The following NUP214 variants were observed in gnomAD, a reference collection of about 807,000 sequenced individuals.
NUP214 encodes nuclear pore complex protein Nup214.
NUP214 carries 79 observed loss-of-function variants against 196.2 expected under a neutral mutation model. The observed-to-expected ratio is 0.40, with a 90% CI of 0.34 to 0.49. NUP214 has a LOEUF of 0.49. NUP214 is among the 20% of genes least tolerant of loss of function. The pLI, the probability that NUP214 is intolerant of heterozygous loss-of-function variation, is 0.58. For missense variants in NUP214, 2,468 were observed against 2,539.0 expected, an observed-to-expected ratio of 0.97 and a Z score of 0.60; for synonymous variants, 1,020 against 990.5, an observed-to-expected ratio of 1.03 and a Z score of -0.56.
chr9:131,190,368 A>G (rs940053130), intron 26 of NUP214: 3 of 653,296 alleles, frequency 4.6e-6, no homozygotes, highest in East Asian at 2.8e-5. Flanking sequence ...TGCTTTATGC[A>G]TGTCTGGGCA....
chr9:131,200,245 A>G (rs1833903053), intron 29 of NUP214, among the ~76,000 whole-genome samples: 1 of 152,248 alleles, frequency 6.6e-6, no homozygotes, highest in Non-Finnish European at 1.5e-5. Context: ...TGAGGAATTG[A>G]GTCTTGTCTA....
At chr9:131,185,326 C>T (rs1310957066) in intron 24 of NUP214, among the ~76,000 whole-genome samples, 1 of 152,202 alleles carries the variant, frequency 6.6e-6, no homozygotes, top group Non-Finnish European at 1.5e-5. Context: ...CTCCAAGAAC[C>T]CGAGTTTCCA....
rs1832557395 is a variant in NUP214 at position 131,159,416 on chromosome 9, G to T, written c.2470G>T (p.Ala824Ser). 2 of 1,613,864 alleles carry T rather than the reference G, an allele frequency of 1.2e-6. No homozygotes were observed. Among genetic ancestry groups the T allele is most frequent in the Non-Finnish European group, 1.7e-6 (2 of 1,179,946 alleles). Residue 824 changes from alanine to serine, a missense_variant, in exon 18 of 36, where the codon GCT becomes TCT. By Grantham distance (99) the Ala-to-Ser change is moderately conservative. This residue lies in a region of NUP214 where 1,801 missense variants were observed against 1,779.4 expected (regional missense o/e 1.01). Transcript: ENST00000359428. ...IRRLHQYVKF[A>S]VQDVNDVLDL... ...GCGCCTTCATCAGTATGTGAAATTT[G>T]CTGTCCAAGATGTGAATGATGTTCT...
rs1008871003 is a variant in NUP214, at chr9:131,183,703, T to A, written c.3420-3586T>A. ...TCTACTTTAAAAATAATAACTCTAG[T>A]AATGACCAGAAACTTAAAAGGAACT... On this transcript the variant is annotated intron_variant, in intron 24 of 35. Coordinates refer to ENST00000359428, the MANE Select transcript of NUP214 (RefSeq NM_005085.4). Among the ~76,000 whole-genome samples the A allele has an allele frequency of 4.6e-5, 7 of 152,174 alleles. No individual in the cohort carries two copies. The East Asian group carries it at 1.3e-3, about 29-fold the overall frequency.
Position 131,125,878 on chromosome 9 carries a change from C to G in NUP214, c.45+129C>G. On this transcript the variant is annotated intron_variant, in intron 1 of 35. Coordinates refer to ENST00000359428, the MANE Select transcript of NUP214 (RefSeq NM_005085.4). This position sits in a 1 kb window ranked among gnomAD's most constrained non-coding sequence, Gnocchi z 4.1. Reference sequence around the variant, plus strand: ...AACAGTTTACCGCGTTCACAGCTCTCACCAGCGCGTCTGCCGCGCCGCTGG... The same window carrying G: ...AACAGTTTACCGCGTTCACAGCTCTGACCAGCGCGTCTGCCGCGCCGCTGG... The G allele has an allele frequency of 2.8e-6, 3 of 1,061,108 alleles. No individual in the cohort carries two copies. Among genetic ancestry groups the G allele is most frequent in the Non-Finnish European group, 4.1e-6 (3 of 735,140 alleles). 65.7% of individuals were successfully genotyped at this position (1,061,108 alleles called of 1,614,324 possible). A position where few individuals can be genotyped will look rare whatever the true frequency, so the allele number is the denominator to read the frequency against.
chr9:131,131,816 G>C (rs545737347), intron 5 of NUP214, among the ~76,000 whole-genome samples: 2 of 152,002 alleles, frequency 1.3e-5, no homozygotes, highest in Admixed American at 6.5e-5. Flanking sequence ...AGCCTCCCGG[G>C]TAGCTGAGAC....
chr9:131,163,821 C>A (rs760904384), intron 19 of NUP214, 49 bp from the exon 20 acceptor site: 1 of 1,432,412 alleles, frequency 7.0e-7, no homozygotes, highest in Non-Finnish European at 9.8e-7. Context: ...CGACAGCCTC[C>A]GATCTTTCAG....
chr9:131,146,324 A>G lies in NUP214; in HGVS notation c.1945+20A>G. 14 of 1,609,264 alleles carry G rather than the reference A, an allele frequency of 8.7e-6. No individual in the cohort carries two copies. The highest frequency in any genetic ancestry group is 1.1e-5 in the Non-Finnish European group (13 of 1,175,790). Reference sequence around the variant, plus strand: ...CATCAGGTATGATTTTAAGCAGACAACTTTAGACCTCAGCCCTGCCTTCTC... The same window carrying G: ...CATCAGGTATGATTTTAAGCAGACAGCTTTAGACCTCAGCCCTGCCTTCTC... On this transcript the variant is annotated intron_variant, in intron 13 of 35. Transcript: ENST00000359428. This position sits in a 1 kb window ranked among gnomAD's most constrained non-coding sequence, Gnocchi z 4.6.
At chr9:131,141,178 AT>A (rs1378205650) in intron 11 of NUP214, among the ~76,000 whole-genome samples, 1 of 149,710 alleles carries the variant, frequency 6.7e-6, no homozygotes, top group African/African-American at 2.4e-5. Context: ...TCTTTTCTGT[AT>A]GAGAAAAAAC....
At position 131,146,728 on chromosome 9, in the gene NUP214, G is replaced by A. The variant is rs1052957925; in HGVS notation, c.1945+424G>A. On this transcript the variant is annotated intron_variant, in intron 13 of 35. Transcript: ENST00000359428. This position sits in a 1 kb window ranked among gnomAD's most constrained non-coding sequence, Gnocchi z 4.6. ...GTGGATCACCGGAGGTTAGGAGTTC[G>A]AGACCAGCCTGGCCAACATGGCAAA... Among the ~76,000 whole-genome samples the A allele has an allele frequency of 3.3e-5, 5 of 152,090 alleles. No individual in the cohort carries two copies. Among genetic ancestry groups the A allele is most frequent in the Non-Finnish European group, 5.9e-5 (4 of 68,012 alleles).
At chr9:131,158,139 C>A (rs1180182221) in intron 17 of NUP214, among the ~76,000 whole-genome samples, 1 of 152,102 alleles carries the variant, frequency 6.6e-6, no homozygotes. Context: ...AGTGCAGTGG[C>A]GTGATCTCAG....
intron 3 of NUP214, chr9:131,128,949 T>G (rs1831446298): frequency 5.7e-6 from 2 of 352,770 alleles, no homozygotes; most frequent in Admixed American, 9.2e-5. Flanking sequence ...GCTCAGAGTT[T>G]AAGTAACTGT....
chr9:131,167,639 C>A (rs983971714), intron 21 of NUP214: 1 of 152,104 alleles, frequency 6.6e-6, no homozygotes, highest in South Asian at 2.1e-4. Flanking sequence ...TTGATATTGT[C>A]GGTCTTTTTT....
At chr9:131,145,675 A>G (rs956738499) in intron 12 of NUP214, among the ~76,000 whole-genome samples, 10 of 152,192 alleles carry the variant, frequency 6.6e-5, no homozygotes, top group Admixed American at 2.6e-4. Flanking sequence ...GGCCATAAGT[A>G]TCCCAAAGAC....
chr9:131,134,009 C>T (rs962639933), intron 7 of NUP214, among the ~76,000 whole-genome samples: 4 of 152,086 alleles, frequency 2.6e-5, no homozygotes, highest in Admixed American at 6.5e-5. Flanking sequence ...TGTAGTGGTG[C>T]GATCACAGCT....
chr9:131,204,791 C>T (rs1172242295), intron 30 of NUP214, among the ~76,000 whole-genome samples: 2 of 152,174 alleles, frequency 1.3e-5, no homozygotes. Flanking sequence ...GATTCAGAAG[C>T]CCAACAAGTG....
chr9:131,138,488 G>A (rs950997675), intron 9 of NUP214, among the ~76,000 whole-genome samples: 3 of 152,186 alleles, frequency 2.0e-5, no homozygotes, highest in Non-Finnish European at 4.4e-5. Context: ...AAAGTGCTGG[G>A]ATTACAGGCA....
At chr9:131,126,991 C>G (rs1398753038) in intron 1 of NUP214, 3 of 152,238 alleles carry the variant, frequency 2.0e-5, no homozygotes, top group Admixed American at 6.5e-5. Flanking sequence ...TAATCTCGCA[C>G]TCCCTTTGGC....
chr9:131,223,597 T>C lies in NUP214; in HGVS notation c.5902+667T>C, dbSNP rs370941366. Among the ~76,000 whole-genome samples, 26 of 151,884 alleles carry C rather than the reference T, an allele frequency of 1.7e-4. 1 individual carries two copies. The East Asian group carries it at 4.8e-3, about 28-fold the overall frequency. On this transcript the variant is annotated intron_variant, in intron 32 of 35. Coordinates refer to ENST00000359428, the MANE Select transcript of NUP214 (RefSeq NM_005085.4). Reference sequence around the variant, plus strand: ...CTGAAGTATCTGCAGGAAAGCATCCTGAGTCATGGATTTGTTGGGGTTCCC... The same window carrying C: ...CTGAAGTATCTGCAGGAAAGCATCCCGAGTCATGGATTTGTTGGGGTTCCC...
Sources: gnomAD v4.1 joint callset for allele counts (sites outside exome capture counted in the v4.1 genomes callset) on GRCh38, gnomAD v4.1.1 for gene constraint, gnomAD v4.1.1 regional missense constraint, Gnocchi (gnomAD v3.1) non-coding constraint, MANE v1.5 for transcripts, NCBI Gene and HGNC (gene_info 2026-07-23, HGNC 2026-07-21) for gene names.